Variants in ROBO2 observed in about 807,000 individuals in gnomAD.
ROBO2 encodes roundabout homolog 2.
In ROBO2, 53 loss-of-function variants were observed where a neutral mutation model predicts 160.8. The observed-to-expected ratio is 0.33, with a 90% CI of 0.26 to 0.41. The LOEUF (loss-of-function observed/expected upper bound fraction) is 0.41, where lower values mean the gene tolerates loss of function less well. ROBO2 is among the 10% of genes least tolerant of loss of function. ROBO2 has a pLI of 1.00. For synonymous variants in ROBO2, 664 were observed against 611.7 expected (o/e 1.09, Z -1.26); for missense variants, 1,577 against 1,722.4 (o/e 0.92, Z 1.49).
rs1178064382 is a variant in ROBO2, at chr3:76,887,193, C to CCTTTTTTTT, written c.110-210821_110-210820insCTTTTTTTT. Among the ~76,000 whole-genome samples, 1,142 of 120,352 alleles carry CCTTTTTTTT rather than the reference C, an allele frequency of 9.5e-3. 29 individuals are homozygous for CCTTTTTTTT. The highest frequency in any genetic ancestry group is 0.031 in the South Asian group (111 of 3,598). 79.0% of individuals were successfully genotyped at this position (120,352 alleles called of 152,430 possible). Reference sequence around the variant, plus strand: ...ATTGCCCTGCCTTTGCTTCAGGAAGCATTTTTTTTTTTTTTTTTTTTTTTT... The same window carrying CCTTTTTTTT: ...ATTGCCCTGCCTTTGCTTCAGGAAGCCTTTTTTTTATTTTTTTTTTTTTTTTTTTTTTTT... On this transcript the variant is annotated intron_variant, in intron 2 of 26. Coordinates refer to the ROBO2 transcript ENST00000487694.
chr3:77,381,208 C>T (rs9309767), intron 2 of ROBO2, among the ~76,000 whole-genome samples: 48,063 of 151,948 alleles, frequency 0.32, 7,928 homozygotes, highest in East Asian at 0.46. Context: ...CCAGCTACTC[C>T]GGAGGCTGAG....
chr3:76,833,785 A>C (rs1291262094), intron 2 of ROBO2, among the ~76,000 whole-genome samples: 1 of 152,136 alleles, frequency 6.6e-6, no homozygotes, highest in African/African-American at 2.4e-5. Context: ...CCACAGGGAC[A>C]CAGTCATTCT....
chr3:76,213,036 G>T (rs1041122437), intron 2 of ROBO2, among the ~76,000 whole-genome samples: 6 of 152,084 alleles, frequency 3.9e-5, no homozygotes, highest in African/African-American at 1.4e-4. Context: ...TGTGTCACAA[G>T]GTAGGAACGC....
chr3:77,216,596 C>G (rs1380495663), intron 2 of ROBO2, among the ~76,000 whole-genome samples: 1 of 152,158 alleles, frequency 6.6e-6, no homozygotes, highest in Non-Finnish European at 1.5e-5. Flanking sequence ...CACCCACTGT[C>G]CGACATTCCC....
At chr3:76,603,809 T>C (rs1034802234) in intron 2 of ROBO2, among the ~76,000 whole-genome samples, 2 of 152,158 alleles carry the variant, frequency 1.3e-5, no homozygotes, top group African/African-American at 4.8e-5. Context: ...CTGGCACACT[T>C]AGCAATCAGT....
chr3:76,250,198 A>G (rs1454834189), intron 2 of ROBO2, among the ~76,000 whole-genome samples: 1 of 152,126 alleles, frequency 6.6e-6, no homozygotes, highest in African/African-American at 2.4e-5. Flanking sequence ...TTATAGTTAC[A>G]CTGCTTTTAG....
intron 2 of ROBO2, among the ~76,000 whole-genome samples, chr3:76,775,009 T>G (rs1412283303): frequency 6.6e-6 from 1 of 150,622 alleles, no homozygotes; most frequent in Non-Finnish European, 1.5e-5. Flanking sequence ...AAGATTAAAT[T>G]TATACAACAA....
chr3:76,746,296 G>A (rs2093890479), intron 2 of ROBO2, among the ~76,000 whole-genome samples: 1 of 151,574 alleles, frequency 6.6e-6, no homozygotes, highest in Admixed American at 6.6e-5. Context: ...ATAAACATAC[G>A]TGTGCGTGTG....
Position 77,341,246 on chromosome 3 carries a change from C to T in ROBO2, c.389-136168C>T, listed in dbSNP as rs147848486. Among the ~76,000 whole-genome samples the T allele has an allele frequency of 4.2e-3, 639 of 152,104 alleles. 5 individuals are homozygous for T. Among genetic ancestry groups the T allele is most frequent in the African/African-American group, 0.012 (505 of 41,500 alleles). ...ACTAGCATATAAGAGGTTAATTCCCCGAACCTCTTACTTTGGAGATTCTAT... is the reference window on the plus strand; with the variant it reads ...ACTAGCATATAAGAGGTTAATTCCCTGAACCTCTTACTTTGGAGATTCTAT... On this transcript the variant is annotated intron_variant, in intron 2 of 25. Coordinates refer to ENST00000461745, the Ensembl canonical transcript of ROBO2.
intron 2 of ROBO2, among the ~76,000 whole-genome samples, chr3:76,325,194 A>G (rs1030188088): frequency 6.6e-6 from 1 of 152,236 alleles, no homozygotes; most frequent in Non-Finnish European, 1.5e-5. Context: ...TTAACACTAC[A>G]ATGTAAACGC....
At chr3:76,825,116 G>A (rs776677150) in intron 2 of ROBO2, among the ~76,000 whole-genome samples, 3 of 152,062 alleles carry the variant, frequency 2.0e-5, no homozygotes, top group East Asian at 1.9e-4. Context: ...ACACCAGAAC[G>A]TGTAAAAGAA....
chr3:76,074,186 G>C (rs1214451746), intron 2 of ROBO2, among the ~76,000 whole-genome samples: 1 of 151,908 alleles, frequency 6.6e-6, no homozygotes, highest in East Asian at 1.9e-4. Flanking sequence ...AGATAATATG[G>C]CATCTCTGTG....
chr3:77,347,809 T>C (rs1354715562), intron 2 of ROBO2, among the ~76,000 whole-genome samples: 3 of 152,118 alleles, frequency 2.0e-5, no homozygotes, highest in African/African-American at 7.2e-5. Context: ...AAGCTCCTTC[T>C]CTCATGTATG....
intron 2 of ROBO2, among the ~76,000 whole-genome samples, chr3:76,814,062 T>C (rs1576796321): frequency 6.6e-6 from 1 of 152,090 alleles, no homozygotes; most frequent in East Asian, 1.9e-4. Context: ...TCGGAACATA[T>C]AAATATAAAA....
Position 77,225,750 on chromosome 3 carries a change from A to T in ROBO2, c.388+127410A>T, listed in dbSNP as rs546534239. Among the ~76,000 whole-genome samples the T allele has an allele frequency of 4.6e-5, 7 of 152,144 alleles. No homozygotes were observed. In the Middle Eastern group the frequency reaches 0.014, roughly 296 times the overall value. On this transcript the variant is annotated intron_variant, in intron 2 of 25. Coordinates refer to ENST00000461745, the Ensembl canonical transcript of ROBO2. ...TGTATTAAATACACTTAATAGTGTA[A>T]AAAAAGACTCACTGCAATTGAATTA... is the stretch of plus-strand genomic sequence containing the variant.
chr3:77,308,178 A>T (rs2063254263), intron 2 of ROBO2, among the ~76,000 whole-genome samples: 1 of 151,740 alleles, frequency 6.6e-6, no homozygotes, highest in African/African-American at 2.4e-5. Context: ...TTAAATATTA[A>T]TTTTAAGATT....
intron 2 of ROBO2, among the ~76,000 whole-genome samples, chr3:76,091,146 G>A (rs189352414): frequency 9.7e-4 from 147 of 152,206 alleles, no homozygotes; most frequent in African/African-American, 3.3e-3. Context: ...ACCATGAAGA[G>A]GAGAAGATAA....
chr3:75,933,119 C>T (rs1265727139), intron 1 of ROBO2, among the ~76,000 whole-genome samples: 1 of 152,090 alleles, frequency 6.6e-6, no homozygotes, highest in Non-Finnish European at 1.5e-5. Context: ...AGGACAAAGG[C>T]TCCAGTATAC....
chr3:76,877,589 C>A (rs1267312336), intron 2 of ROBO2, among the ~76,000 whole-genome samples: 1 of 152,138 alleles, frequency 6.6e-6, no homozygotes, highest in Admixed American at 6.5e-5. Flanking sequence ...CACTCTGTTC[C>A]ACTTTGTATC....
Sources: gnomAD v4.1 joint callset for allele counts (sites outside exome capture counted in the v4.1 genomes callset) on GRCh38, gnomAD v4.1.1 for gene constraint, MANE v1.5 for transcripts, NCBI Gene and HGNC (gene_info 2026-07-23, HGNC 2026-07-21) for gene names.